PRELID2: variants seen among roughly 807,000 people sequenced by gnomAD.
The protein encoded by PRELID2 is PRELI domain-containing protein 2.
PRELID2 carries 25 observed loss-of-function variants against 28.4 expected under a neutral mutation model. The observed-to-expected ratio is 0.88, with a 90% CI of 0.64 to 1.23. PRELID2 has a LOEUF of 1.23. Among genes scored for constraint, PRELID2 ranks in the 50% most tolerant of loss-of-function variants. The pLI is 0.00. For missense variants in PRELID2, 201 were observed against 214.4 expected (o/e 0.94, Z 0.39); for synonymous variants, 76 against 71.6 (o/e 1.06, Z -0.31).
intron 1 of PRELID2, among the ~76,000 whole-genome samples, chr5:145,554,555 C>T (rs982858633): frequency 2.0e-5 from 3 of 152,196 alleles, no homozygotes; most frequent in African/African-American, 7.2e-5. Flanking sequence ...TTTCAAAGAG[C>T]TGGTTGGCAA....
At chr5:145,584,965 A>G (rs953633082) in intron 1 of PRELID2, among the ~76,000 whole-genome samples, 1 of 152,136 alleles carries the variant, frequency 6.6e-6, no homozygotes, top group Non-Finnish European at 1.5e-5. Flanking sequence ...AAATCATTCT[A>G]TTATAAAGAT....
At chr5:145,687,749 A>C (rs1184718370) in intron 1 of PRELID2, among the ~76,000 whole-genome samples, 1 of 152,216 alleles carries the variant, frequency 6.6e-6, no homozygotes, top group Non-Finnish European at 1.5e-5. Context: ...CAGATCTGTC[A>C]ATCCAATCAT....
chr5:145,441,392 C>A, the PRELID2 span, among the ~76,000 whole-genome samples: 1 of 152,116 alleles, frequency 6.6e-6, no homozygotes, highest in East Asian at 1.9e-4. Flanking sequence ...CTCTTGCCAC[C>A]ATACATCATT....
Position 145,697,341 on chromosome 5 carries a change from G to T in PRELID2, n.70+67590C>A, listed in dbSNP as rs570617480. Among the ~76,000 whole-genome samples the T allele has an allele frequency of 2.0e-5, 3 of 151,914 alleles. No homozygotes were observed. In the East Asian group the frequency reaches 5.8e-4, roughly 29 times the overall value. The stretch of plus-strand genomic sequence containing the variant: ...CCTGGGAGTCAGTGCATTCACAGGT[G>T]AGCAAACTCAACGAGGCTAAGAAAC... On this transcript the variant is annotated intron_variant and non_coding_transcript_variant, in intron 1 of 2. Transcript: ENST00000510259.
Position 145,759,839 on chromosome 5 carries a change from T to C in PRELID2, c.*697A>G, listed in dbSNP as rs927378214. ...TGCTTGCTCACCATCACAGAACGAA[T>C]TAGCAGAAAAGAAACTGCCTTCCCA... On this transcript the variant is annotated 3_prime_UTR_variant, in exon 7 of 7. Transcript: ENST00000683046. 3.9e-5 allele frequency: 6 copies of C among 152,172 alleles called. No individual in the cohort carries two copies. Among genetic ancestry groups the C allele is most frequent in the Non-Finnish European group, 7.3e-5 (5 of 68,034 alleles). The allele number at this position is 152,172 out of a possible 1,614,324, so 9.4% of individuals were successfully genotyped here.
At chr5:145,319,456 G>A in the PRELID2 span, among the ~76,000 whole-genome samples, 14 of 152,016 alleles carry the variant, frequency 9.2e-5, no homozygotes, top group African/African-American at 3.4e-4. Flanking sequence ...ATTGCCTGAG[G>A]TCAGGAGTTT....
At chr5:145,560,382 T>C (rs996762952) in intron 1 of PRELID2, among the ~76,000 whole-genome samples, 1 of 152,214 alleles carries the variant, frequency 6.6e-6, no homozygotes, top group African/African-American at 2.4e-5. Flanking sequence ...CAGCACATAG[T>C]AGGTGCTCAA....
At chr5:145,299,645 G>A in the PRELID2 span, among the ~76,000 whole-genome samples, 4 of 21,410 alleles carry the variant, frequency 1.9e-4, no homozygotes, top group Admixed American at 9.3e-4. Context: ...ATGTGTGTGC[G>A]TGTGTGTGTG....
the PRELID2 span, among the ~76,000 whole-genome samples, chr5:145,427,441 G>C: frequency 2.2e-4 from 34 of 152,234 alleles, 1 homozygote; most frequent in East Asian, 5.8e-3. Flanking sequence ...TCTAAAATTG[G>C]ATTTGAAAGA....
At chr5:145,307,765 A>G in the PRELID2 span, among the ~76,000 whole-genome samples, 8 of 152,026 alleles carry the variant, frequency 5.3e-5, no homozygotes, top group Non-Finnish European at 1.5e-5. Context: ...TAAGCACCTG[A>G]GCCATAAAAG....
chr5:145,521,243 G>A (rs573861222), intron 1 of PRELID2, among the ~76,000 whole-genome samples: 1 of 152,288 alleles, frequency 6.6e-6, no homozygotes, highest in East Asian at 1.9e-4. Flanking sequence ...ACAGTGGGGA[G>A]CTAAAATGAA....
chr5:145,342,546 G>C, the PRELID2 span, among the ~76,000 whole-genome samples: 1 of 152,144 alleles, frequency 6.6e-6, no homozygotes, highest in South Asian at 2.1e-4. Flanking sequence ...ATAAAATGTG[G>C]TTGGATAAAT....
intron 1 of PRELID2, among the ~76,000 whole-genome samples, chr5:145,649,896 T>A (rs1754259954): frequency 6.6e-6 from 1 of 152,348 alleles, no homozygotes; most frequent in Non-Finnish European, 1.5e-5. Context: ...TGTTTTATTG[T>A]CTGTTTTTAT....
chr5:145,740,265 AATATATATATATATATATATATATAT>A (rs70998029), intron 1 of PRELID2, among the ~76,000 whole-genome samples: 1,066 of 40,674 alleles, frequency 0.026, 62 homozygotes, highest in African/African-American at 0.049. Context: ...GGATTTATCA[AATATATATATATATATATATATATAT>A]ATATATATAT....
the PRELID2 span, chr5:145,230,018 A>G: frequency 1.4e-6 from 1 of 720,836 alleles, no homozygotes; most frequent in South Asian, 1.4e-5. Flanking sequence ...GACTGAAGGA[A>G]TACCATTGTC....
At chr5:145,490,114 C>T (rs1752255953) in intron 1 of PRELID2, among the ~76,000 whole-genome samples, 1 of 152,136 alleles carries the variant, frequency 6.6e-6, no homozygotes, top group African/African-American at 2.4e-5. Flanking sequence ...CATCACACCT[C>T]CATATAGAAG....
At chr5:145,475,000 G>T (rs1014815120) in intron 1 of PRELID2, among the ~76,000 whole-genome samples, 3 of 152,156 alleles carry the variant, frequency 2.0e-5, no homozygotes, top group Admixed American at 1.3e-4. Context: ...CTAAAATAAA[G>T]TTCTTCTGAA....
intron 1 of PRELID2, among the ~76,000 whole-genome samples, chr5:145,497,348 T>A (rs116564731): frequency 0.021 from 3,218 of 152,254 alleles, 111 homozygotes; most frequent in African/African-American, 0.074. Context: ...ATGCAAGAAC[T>A]ACCACATGTA....
chr5:145,443,184 G>A, the PRELID2 span, among the ~76,000 whole-genome samples: 1 of 151,988 alleles, frequency 6.6e-6, no homozygotes, highest in Non-Finnish European at 1.5e-5. Context: ...GTCCAACCTG[G>A]CATTGTCTTT....
Sources: gnomAD v4.1 joint callset for allele counts (sites outside exome capture counted in the v4.1 genomes callset) on GRCh38, gnomAD v4.1.1 for gene constraint, MANE v1.5 for transcripts, NCBI Gene and HGNC (gene_info 2026-07-23, HGNC 2026-07-21) for gene names.